The following AGAP1 variants were observed in gnomAD, a reference collection of about 807,000 sequenced individuals.
AGAP1 encodes the protein arf-GAP with GTPase, ANK repeat and PH domain-containing protein 1.
Under a neutral mutation model 105.3 loss-of-function variants are expected in AGAP1, and 29 were observed. That is an observed-to-expected ratio of 0.28 (90% CI 0.21 to 0.38). The LOEUF is 0.38. AGAP1 is among the 10% of genes least tolerant of loss of function. AGAP1 has a pLI of 1.00. For missense variants in AGAP1, 998 were observed against 1,165.1 expected (o/e 0.86, Z 2.09); for synonymous variants, 509 against 485.9 (o/e 1.05, Z -0.63).
chr2:235,869,392 G>T (rs193117481), intron 9 of AGAP1, among the ~76,000 whole-genome samples: 3,845 of 118,102 alleles, frequency 0.033, 85 homozygotes, highest in Middle Eastern at 0.15. Context: ...AGACCATCCT[G>T]ACCAACATGG....
In AGAP1 at chr2:235,772,039, A is replaced by G. The variant is rs369233821; in HGVS notation, c.673+21551A>G. ...GAGTTGGAGTCTCACTCTGTTGCCC[A>G]GGCTGGAACGCAGTGGTGCGATCTT... On this transcript the variant is annotated intron_variant, in intron 6 of 17. Coordinates refer to ENST00000304032, the MANE Select transcript of AGAP1 (RefSeq NM_001037131.3). Among the ~76,000 whole-genome samples, 6 of 132,306 alleles carry G rather than the reference A, an allele frequency of 4.5e-5. No homozygotes were observed. In the East Asian group the frequency reaches 1.1e-3, roughly 24 times the overall value. The allele number at this position is 132,306 out of a possible 152,430, so 86.8% of individuals were successfully genotyped here.
chr2:235,760,874 G>A (rs1213323968), intron 6 of AGAP1, among the ~76,000 whole-genome samples: 1 of 152,178 alleles, frequency 6.6e-6, no homozygotes, highest in Non-Finnish European at 1.5e-5. Flanking sequence ...ATAGGCGTTA[G>A]CCACCACTCC....
chr2:235,563,061 A>G (rs1944215695), intron 1 of AGAP1, among the ~76,000 whole-genome samples: 1 of 152,158 alleles, frequency 6.6e-6, no homozygotes, highest in Non-Finnish European at 1.5e-5. Flanking sequence ...AAAAATAATT[A>G]AAATAAAATA....
Position 235,983,179 on chromosome 2 carries a change from G to A in AGAP1, c.1645+14556G>A, listed in dbSNP as rs1372647401. ...CGACCCCAGAGAAGGGACAGGATGGGGGGTTATGGAAGTGCCCAGCAAGGG... is the reference window on the plus strand; with the variant it reads ...CGACCCCAGAGAAGGGACAGGATGGAGGGTTATGGAAGTGCCCAGCAAGGG... On this transcript the variant is annotated intron_variant, in intron 13 of 17. Coordinates refer to ENST00000304032, the MANE Select transcript of AGAP1 (RefSeq NM_001037131.3). This position sits in a 1 kb window ranked among gnomAD's most constrained non-coding sequence, Gnocchi z 4.5. 6.6e-6 allele frequency among the ~76,000 whole-genome samples: 1 copy of A among 152,118 alleles called. No homozygotes were observed. The highest frequency in any genetic ancestry group is 2.4e-5 in the African/African-American group (1 of 41,418).
At chr2:235,499,908 T>A (rs778822145) in intron 1 of AGAP1, among the ~76,000 whole-genome samples, 10 of 152,192 alleles carry the variant, frequency 6.6e-5, no homozygotes, top group Admixed American at 2.6e-4. Context: ...CTGGCTGACT[T>A]GCCAGAGGGT....
chr2:235,540,011 T>C (rs1943380622), intron 1 of AGAP1, among the ~76,000 whole-genome samples: 1 of 152,132 alleles, frequency 6.6e-6, no homozygotes, highest in Non-Finnish European at 1.5e-5. Context: ...CCCAGGGAAC[T>C]GTCCCATGTC....
rs1275377405 is a variant in AGAP1 at position 235,893,806 on chromosome 2, T to G, written c.1155+10357T>G. ...ACTTGAGTGCCACCACAATGAAGTT[T>G]CCAATCGTGTGACTCCTTCAGCATC... On this transcript the variant is annotated intron_variant, in intron 10 of 17. Transcript: ENST00000304032. This position sits in a 1 kb window ranked among gnomAD's most constrained non-coding sequence, Gnocchi z 4.7. Among the ~76,000 whole-genome samples the G allele has an allele frequency of 6.6e-6, 1 of 152,138 alleles. No homozygotes were observed. The highest frequency in any genetic ancestry group is 2.4e-5 in the African/African-American group (1 of 41,430).
intron 1 of AGAP1, chr2:235,670,766 C>A: frequency 8.9e-7 from 1 of 1,123,738 alleles, no homozygotes; most frequent in Non-Finnish European, 1.3e-6. Context: ...GAACGACGCG[C>A]TCTCGGACCT....
chr2:235,771,096 TAAC>T, intron 6 of AGAP1, among the ~76,000 whole-genome samples: 1 of 152,334 alleles, frequency 6.6e-6, no homozygotes, highest in East Asian at 1.9e-4. Flanking sequence ...GGCCCACAGA[TAAC>T]TGCTCACCTG....
chr2:235,520,495 G>A (rs1335551357), intron 1 of AGAP1, among the ~76,000 whole-genome samples: 1 of 152,104 alleles, frequency 6.6e-6, no homozygotes, highest in African/African-American at 2.4e-5. Context: ...TTGGAGGCTT[G>A]TTTAGGTTTT....
intron 9 of AGAP1, among the ~76,000 whole-genome samples, chr2:235,854,831 A>G (rs964121434): frequency 1.3e-5 from 2 of 152,198 alleles, no homozygotes; most frequent in African/African-American, 4.8e-5. Flanking sequence ...AATGGAGCAA[A>G]TGAGAAACAA....
rs1453406259 is a variant in AGAP1 at position 235,904,456 on chromosome 2, C to T, written c.1156-4282C>T. Among the ~76,000 whole-genome samples, 1 of 152,168 alleles carries T rather than the reference C, an allele frequency of 6.6e-6. No individual in the cohort carries two copies. The highest frequency in any genetic ancestry group is 2.4e-5 in the African/African-American group (1 of 41,436). Reference sequence around the variant, plus strand: ...GCAGGAGATGGCACCTCTGGGGGGCCTGGCTCTTGAGTGGGCCCCAGGGAC... The same window carrying T: ...GCAGGAGATGGCACCTCTGGGGGGCTTGGCTCTTGAGTGGGCCCCAGGGAC... On this transcript the variant is annotated intron_variant, in intron 10 of 17. Coordinates refer to ENST00000304032, the MANE Select transcript of AGAP1 (RefSeq NM_001037131.3). The surrounding 1 kb of genome is among the most constrained non-coding windows in gnomAD (Gnocchi z 4.2).
intron 9 of AGAP1, among the ~76,000 whole-genome samples, chr2:235,819,841 G>A (rs1958683845): frequency 6.6e-6 from 1 of 151,796 alleles, no homozygotes; most frequent in Non-Finnish European, 1.5e-5. Flanking sequence ...GGTTGCTGGT[G>A]GTAGTAGCAC....
At chr2:235,810,020 G>A (rs2150106418) in intron 9 of AGAP1, among the ~76,000 whole-genome samples, 1 of 152,230 alleles carries the variant, frequency 6.6e-6, no homozygotes, top group South Asian at 2.1e-4. Context: ...CAAGGATTCG[G>A]ACCAGGCCTC....
intron 9 of AGAP1, among the ~76,000 whole-genome samples, chr2:235,837,452 G>A (rs1960302313): frequency 6.6e-6 from 1 of 152,216 alleles, no homozygotes; most frequent in African/African-American, 2.4e-5. Context: ...CAGCTGGGAA[G>A]GTGGGGAGGG....
chr2:235,625,934 C>T lies in AGAP1; in HGVS notation c.164-83245C>T, dbSNP rs941593266. On this transcript the variant is annotated intron_variant, in intron 1 of 17. Coordinates refer to ENST00000304032, the MANE Select transcript of AGAP1 (RefSeq NM_001037131.3). This position sits in a 1 kb window ranked among gnomAD's most constrained non-coding sequence, Gnocchi z 4.0. ...AAATTCCACACAGAGAAAGGTGTTT[C>T]GGGGAAGTAGAATATTAGCAGAGCT... 2.0e-5 allele frequency among the ~76,000 whole-genome samples: 3 copies of T among 152,130 alleles called. No individual in the cohort carries two copies. The highest frequency in any genetic ancestry group is 4.4e-5 in the Non-Finnish European group (3 of 68,030).
chr2:235,546,091 CTGTCTG>C (rs1445291987), intron 1 of AGAP1, among the ~76,000 whole-genome samples: 1 of 152,222 alleles, frequency 6.6e-6, no homozygotes, highest in Non-Finnish European at 1.5e-5. Flanking sequence ...CTGGAACAGT[CTGTCTG>C]TGAAGGGGAT....
intron 1 of AGAP1, among the ~76,000 whole-genome samples, chr2:235,512,088 AAT>A (rs1942164781): frequency 3.1e-5 from 1 of 31,940 alleles, no homozygotes; most frequent in Non-Finnish European, 5.3e-5. Context: ...TGCGTGTGTG[AAT>A]GTGTGTGTGT....
At chr2:235,632,206 T>C (rs1008793918) in intron 1 of AGAP1, among the ~76,000 whole-genome samples, 17 of 152,202 alleles carry the variant, frequency 1.1e-4, no homozygotes, top group African/African-American at 4.1e-4. Context: ...GTTCAGTGAC[T>C]TAAGGGGAGT....
Sources: gnomAD v4.1 joint callset for allele counts (sites outside exome capture counted in the v4.1 genomes callset) on GRCh38, gnomAD v4.1.1 for gene constraint, Gnocchi (gnomAD v3.1) non-coding constraint, MANE v1.5 for transcripts, NCBI Gene and HGNC (gene_info 2026-07-23, HGNC 2026-07-21) for gene names.